PLCB1: variants seen among roughly 807,000 people sequenced by gnomAD.
PLCB1 encodes the protein phospholipase C beta 1.
PLCB1 carries 46 observed loss-of-function variants against 161.8 expected under a neutral mutation model. The observed-to-expected ratio is 0.28, with a 90% CI of 0.22 to 0.36. The LOEUF (loss-of-function observed/expected upper bound fraction) is 0.36. Among genes scored for constraint, PLCB1 ranks in the 10% least tolerant of loss-of-function variants. The pLI, the probability that PLCB1 is intolerant of heterozygous loss-of-function variation, is 1.00. For missense variants in PLCB1, 1,016 were observed against 1,472.5 expected (o/e 0.69, Z 5.07); for synonymous variants, 517 against 503.7 (o/e 1.03, Z -0.35).
chr20:8,471,121 T>C (rs943972104), intron 3 of PLCB1, among the ~76,000 whole-genome samples: 1 of 152,192 alleles, frequency 6.6e-6, no homozygotes, highest in Non-Finnish European at 1.5e-5. Flanking sequence ...TGTATCTTTG[T>C]GTCATATTTA....
intron 3 of PLCB1, among the ~76,000 whole-genome samples, chr20:8,518,893 A>G (rs1984241754): frequency 6.6e-6 from 1 of 151,882 alleles, no homozygotes; most frequent in African/African-American, 2.4e-5. Context: ...CAGGTGTTAG[A>G]TTCTCATAAG....
chr20:8,561,418 C>T (rs1231393050), intron 3 of PLCB1, among the ~76,000 whole-genome samples: 1 of 151,828 alleles, frequency 6.6e-6, no homozygotes, highest in African/African-American at 2.4e-5. Context: ...GGGATATGAG[C>T]AGTTGAAGAC....
At chr20:8,542,048 A>G (rs894276627) in intron 3 of PLCB1, among the ~76,000 whole-genome samples, 1 of 152,212 alleles carries the variant, frequency 6.6e-6, no homozygotes, top group African/African-American at 2.4e-5. Context: ...ATGCTACATG[A>G]ATTCAGATGT....
At chr20:8,302,180 C>T (rs546557944) in intron 2 of PLCB1, among the ~76,000 whole-genome samples, 79 of 152,296 alleles carry the variant, frequency 5.2e-4, no homozygotes, top group African/African-American at 1.7e-3. Flanking sequence ...ATTAGTGGAA[C>T]GGTTAGAACC....
chr20:8,630,820 T>C (rs1988563138), intron 4 of PLCB1, among the ~76,000 whole-genome samples: 1 of 152,202 alleles, frequency 6.6e-6, no homozygotes, highest in Non-Finnish European at 1.5e-5. Flanking sequence ...TCTGCATATC[T>C]TAAGTTGCAT....
intron 2 of PLCB1, among the ~76,000 whole-genome samples, chr20:8,198,423 C>G (rs902984185): frequency 7.2e-5 from 11 of 151,962 alleles, no homozygotes; most frequent in Non-Finnish European, 4.4e-5. Flanking sequence ...AACCTCTTCT[C>G]CATTCAAGGT....
intron 18 of PLCB1, among the ~76,000 whole-genome samples, chr20:8,732,816 G>T (rs1002780587): frequency 7.1e-6 from 1 of 140,698 alleles, no homozygotes; most frequent in African/African-American, 2.6e-5. Context: ...TTAGATATTA[G>T]ATATTTTGTA....
intron 4 of PLCB1, among the ~76,000 whole-genome samples, chr20:8,629,879 C>CTTT (rs1568536067): frequency 1.1e-5 from 1 of 89,838 alleles, no homozygotes; most frequent in South Asian, 3.9e-4. Context: ...CTTTCTTTCT[C>CTTT]TCTCTCTTTC....
intron 2 of PLCB1, among the ~76,000 whole-genome samples, chr20:8,281,907 T>G (rs1982892848): frequency 6.6e-6 from 1 of 152,178 alleles, no homozygotes; most frequent in Non-Finnish European, 1.5e-5. Context: ...GCACTTCTAA[T>G]ATACTTGGCA....
rs137884315 is a variant in PLCB1 at position 8,367,420 on chromosome 20, C to T, written c.178-3962C>T. Among the ~76,000 whole-genome samples, 155 of 152,220 alleles carry T rather than the reference C, an allele frequency of 1.0e-3. 5 individuals are homozygous for T. The East Asian group carries it at 0.021, about 20-fold the overall frequency. On this transcript the variant is annotated intron_variant, in intron 2 of 31. Coordinates refer to ENST00000338037, the MANE Select transcript of PLCB1 (RefSeq NM_015192.4). ...GAATCAGAAAGTCTGACAGGTGACA[C>T]GGAGCAAATCTGTATTTTACTAAGC...
intron 4 of PLCB1, among the ~76,000 whole-genome samples, chr20:8,629,833 C>A (rs2123222614): frequency 1.2e-5 from 1 of 82,582 alleles, no homozygotes; most frequent in East Asian, 2.8e-4. Context: ...TTCTTTCTTT[C>A]TTTCTTTCTT....
chr20:8,493,207 A>T (rs1983021154), intron 3 of PLCB1, among the ~76,000 whole-genome samples: 1 of 152,082 alleles, frequency 6.6e-6, no homozygotes, highest in South Asian at 2.1e-4. Flanking sequence ...CCTATATGTC[A>T]TCTATCTTTC....
chr20:8,792,557 T>C, intron 31 of PLCB1: 1 of 471,220 alleles, frequency 2.1e-6, no homozygotes, highest in Non-Finnish European at 4.4e-6. Flanking sequence ...TTTTAGTAGT[T>C]CTATTGTCTG....
intron 3 of PLCB1, among the ~76,000 whole-genome samples, chr20:8,429,060 T>G (rs13045787): frequency 0.085 from 12,997 of 152,182 alleles, 681 homozygotes; most frequent in Non-Finnish European, 0.11. Context: ...GGAGGTTTAT[T>G]GTATGCACGC....
chr20:8,264,351 C>T (rs1981847409), intron 2 of PLCB1, among the ~76,000 whole-genome samples: 2 of 152,022 alleles, frequency 1.3e-5, no homozygotes, highest in Non-Finnish European at 2.9e-5. Flanking sequence ...CTGAAGGACC[C>T]ACCTGAGACT....
At chr20:8,864,780 T>C (rs1340333405) in intron 31 of PLCB1, among the ~76,000 whole-genome samples, 1 of 152,186 alleles carries the variant, frequency 6.6e-6, no homozygotes, top group East Asian at 1.9e-4. Flanking sequence ...ACTGGTAAGA[T>C]TAGCTGTAGT....
At chr20:8,726,729 C>T (rs1288038634) in intron 16 of PLCB1, among the ~76,000 whole-genome samples, 1 of 152,028 alleles carries the variant, frequency 6.6e-6, no homozygotes, top group Admixed American at 6.6e-5. Context: ...TGTGGGGACA[C>T]ACCCAAGCCA....
At chr20:8,836,419 A>C (rs1986285659) in intron 31 of PLCB1, among the ~76,000 whole-genome samples, 1 of 96,058 alleles carries the variant, frequency 1.0e-5, no homozygotes, top group Admixed American at 1.3e-4. Context: ...GGTATTACAC[A>C]CACACACATA....
intron 3 of PLCB1, among the ~76,000 whole-genome samples, chr20:8,552,252 A>G (rs1429276814): frequency 3.9e-5 from 6 of 152,218 alleles, no homozygotes; most frequent in African/African-American, 1.4e-4. Context: ...AATATTATTT[A>G]TGTTTAATGT....
Sources: allele counts gnomAD v4.1 joint callset (sites outside exome capture counted in the v4.1 genomes callset), GRCh38; gene constraint gnomAD v4.1.1; transcripts MANE v1.5; gene names NCBI Gene and HGNC (gene_info 2026-07-23, HGNC 2026-07-21).